MCF2L: variants seen among roughly 807,000 people sequenced by gnomAD.
MCF2L encodes guanine nucleotide exchange factor DBS.
MCF2L carries 97 observed loss-of-function variants against 153.4 expected under a neutral mutation model. That is an observed-to-expected ratio of 0.63 (90% CI 0.54 to 0.75). The LOEUF (loss-of-function observed/expected upper bound fraction) is 0.75, where lower values mean the gene tolerates loss of function less well. MCF2L is among the 30% of genes least tolerant of loss of function. The pLI is 0.00. For synonymous variants in MCF2L, 659 were observed against 632.2 expected, an observed-to-expected ratio of 1.04 and a Z score of -0.64; for missense variants, 1,347 against 1,495.2, an observed-to-expected ratio of 0.90 and a Z score of 1.64.
chr13:113,079,034 G>A (rs2033823118), intron 15 of MCF2L, among the ~76,000 whole-genome samples: 2 of 152,160 alleles, frequency 1.3e-5, no homozygotes, highest in South Asian at 4.1e-4. Context: ...CCCAGCAAGA[G>A]CCTCCACCCG....
At chr13:112,897,877 CAG>C (rs1453815889) in intron 1 of MCF2L, among the ~76,000 whole-genome samples, 1 of 152,140 alleles carries the variant, frequency 6.6e-6, no homozygotes, top group Non-Finnish European at 1.5e-5. Flanking sequence ...GGGCTGCAGT[CAG>C]GGGTGTCGGC....
Position 113,031,011 on chromosome 13 carries a change from A to G in MCF2L, c.278+6253A>G, listed in dbSNP as rs2085652413. On this transcript the variant is annotated intron_variant, in intron 3 of 29. Transcript: ENST00000535094. The surrounding 1 kb of genome is among the most constrained non-coding windows in gnomAD (Gnocchi z 5.5). ...CAGGGCAGCAGGGCTGTGGGAAAAC[A>G]ATGTGAGAAAGAAAGAGAGACAGAG... is the stretch of plus-strand genomic sequence containing the variant. 6.6e-6 allele frequency among the ~76,000 whole-genome samples: 1 copy of G among 152,042 alleles called. No individual in the cohort carries two copies. The highest frequency in any genetic ancestry group is 2.4e-5 in the African/African-American group (1 of 41,362).
At chr13:112,965,840 C>T (rs1035747207), upstream of MCF2L, 1 of 152,174 alleles carries the variant, frequency 6.6e-6, no homozygotes. Flanking sequence ...GGAGAGAGGC[C>T]GAGCCAGGGA....
chr13:113,092,714 C>A (rs1205940530), intron 26 of MCF2L, among the ~76,000 whole-genome samples: 2 of 152,266 alleles, frequency 1.3e-5, no homozygotes, highest in African/African-American at 2.4e-5. Context: ...CAGTGCTGGC[C>A]TGGCCTGTGG....
intron 2 of MCF2L, among the ~76,000 whole-genome samples, chr13:112,916,615 A>T (rs2081294715): frequency 6.6e-6 from 1 of 152,178 alleles, no homozygotes; most frequent in African/African-American, 2.4e-5. Flanking sequence ...TGGGGTCTGT[A>T]TAGGTGGCTG....
chr13:112,909,167 C>T, intron 2 of MCF2L: 2 of 774,256 alleles, frequency 2.6e-6, no homozygotes, highest in Admixed American at 1.7e-5. Flanking sequence ...AAGTCCAGGA[C>T]TGGCAAAAAC....
chr13:112,980,322 G>A (rs1185444339), intron 1 of MCF2L, among the ~76,000 whole-genome samples: 1 of 152,270 alleles, frequency 6.6e-6, no homozygotes, highest in Non-Finnish European at 1.5e-5. Context: ...GGGGGAGAAA[G>A]GAGCTTGTTG....
chr13:113,098,483 T>C lies in MCF2L; in HGVS notation c.*1624T>C, dbSNP rs1373452926. 1 of 152,310 alleles carries C rather than the reference T, an allele frequency of 6.6e-6. No individual in the cohort carries two copies. The allele number at this position is 152,310 out of a possible 1,614,324, so 9.4% of individuals were successfully genotyped here. ...ACTTTTTTTTAACTGCTGATGTAAA[T>C]GGAATTTTAAAAGCAGAGTTCTTTA... is the stretch of plus-strand genomic sequence containing the variant. On this transcript the variant is annotated 3_prime_UTR_variant, in exon 30 of 30. Coordinates refer to ENST00000535094, the MANE Select transcript of MCF2L (RefSeq NM_001112732.3).
At chr13:112,901,868 A>G (rs1165597830) in intron 1 of MCF2L, among the ~76,000 whole-genome samples, 1 of 152,226 alleles carries the variant, frequency 6.6e-6, no homozygotes, top group South Asian at 2.1e-4. Flanking sequence ...AGGGACGTCT[A>G]TGTCTTTGAA....
chr13:113,047,836 CCTGT>C (rs1410650656), intron 4 of MCF2L, among the ~76,000 whole-genome samples: 17 of 150,810 alleles, frequency 1.1e-4, no homozygotes, highest in East Asian at 3.9e-4. Context: ...CTACGCGTGC[CCTGT>C]CCCCTCTGCT....
rs182236982 is a variant in MCF2L at position 113,023,829 on chromosome 13, C to A, written c.164-815C>A. Among the ~76,000 whole-genome samples the A allele has an allele frequency of 2.9e-3, 435 of 152,348 alleles. 2 individuals are homozygous for A. The highest frequency in any genetic ancestry group is 8.9e-3 in the South Asian group (43 of 4,830). On this transcript the variant is annotated intron_variant, in intron 2 of 29. Transcript: ENST00000535094. ...GCAGTCCCGCACCTCCACCTCCCTGCCCTTTCACAAAGTCCACCCTCAACC... is the reference window on the plus strand; with the variant it reads ...GCAGTCCCGCACCTCCACCTCCCTGACCTTTCACAAAGTCCACCCTCAACC...
rs12100351 is a variant in MCF2L, at chr13:113,050,191, A to T, written c.369+4830A>T. Among the ~76,000 whole-genome samples, 1,113 of 150,524 alleles carry T rather than the reference A, an allele frequency of 7.4e-3. 11 individuals are homozygous for T. Among genetic ancestry groups the T allele is most frequent in the African/African-American group, 0.026 (1,066 of 40,916 alleles). ...GAGTGTGTGACTGTGTGTGTGTGCG[A>T]GCGAGTGGGAGTGTAAGTGAATGTG... On this transcript the variant is annotated intron_variant, in intron 4 of 29. Coordinates refer to ENST00000535094, the MANE Select transcript of MCF2L (RefSeq NM_001112732.3).
In MCF2L at chr13:112,912,740, T is replaced by G. The variant is rs141283015; in HGVS notation, c.169+10369T>G. 3.1e-3 allele frequency among the ~76,000 whole-genome samples: 466 copies of G among 152,270 alleles called. 5 individuals are homozygous for G. The highest frequency in any genetic ancestry group is 8.0e-3 in the Admixed American group (123 of 15,302). Reference sequence around the variant, plus strand: ...ATCCTTCTTTTCTTATATAAATGGCTTGTGTCTTTGTGTGGCTGTGTGTGT... The same window carrying G: ...ATCCTTCTTTTCTTATATAAATGGCGTGTGTCTTTGTGTGGCTGTGTGTGT... On this transcript the variant is annotated intron_variant, in intron 2 of 29. Coordinates refer to the MCF2L transcript ENST00000375608.
At chr13:113,014,926 C>A in intron 2 of MCF2L, 80 bp downstream of exon 2, 2 of 1,327,270 alleles carry the variant, frequency 1.5e-6, no homozygotes, top group Non-Finnish European at 2.2e-6. Flanking sequence ...CGTGGCCTGG[C>A]CCAGGCTGGA....
At chr13:113,077,542 C>T (rs1257376253) in intron 13 of MCF2L, among the ~76,000 whole-genome samples, 1 of 152,212 alleles carries the variant, frequency 6.6e-6, no homozygotes, top group East Asian at 1.9e-4. Flanking sequence ...ACACAGAGCT[C>T]CCACAGAGGA....
At chr13:112,955,383 G>T (rs950648867) in intron 2 of MCF2L, among the ~76,000 whole-genome samples, 1 of 152,214 alleles carries the variant, frequency 6.6e-6, no homozygotes, top group South Asian at 2.1e-4. Context: ...GTCTGATTGG[G>T]TGTGGCTATT....
upstream of MCF2L, chr13:112,965,214 T>G (rs1019496891): frequency 6.6e-6 from 1 of 152,540 alleles, no homozygotes; most frequent in Admixed American, 6.5e-5. Flanking sequence ...CGTCCGTGTG[T>G]GGACCAGGAC....
At chr13:113,029,518 G>A (rs192374663) in intron 3 of MCF2L, among the ~76,000 whole-genome samples, 7 of 152,362 alleles carry the variant, frequency 4.6e-5, no homozygotes, top group East Asian at 1.9e-4. Context: ...AGAGGGGACC[G>A]TCCCAGAGGA....
At chr13:112,899,356 C>T (rs1049203445) in intron 1 of MCF2L, among the ~76,000 whole-genome samples, 3 of 152,170 alleles carry the variant, frequency 2.0e-5, no homozygotes, top group African/African-American at 4.8e-5. Context: ...AGCAGACGCT[C>T]CAAGGGTGGC....
Sources: allele counts gnomAD v4.1 joint callset (sites outside exome capture counted in the v4.1 genomes callset), GRCh38; gene constraint gnomAD v4.1.1; non-coding constraint Gnocchi (gnomAD v3.1); transcripts MANE v1.5; gene names NCBI Gene and HGNC (gene_info 2026-07-23, HGNC 2026-07-21).